The following HBS1L variants were observed in gnomAD, a reference collection of about 807,000 sequenced individuals.
The protein encoded by HBS1L is HBS1 like translational GTPase.
HBS1L carries 55 observed loss-of-function variants against 88.9 expected under a neutral mutation model. The ratio of observed to expected loss-of-function variants is 0.62; its 90% confidence interval spans 0.50 to 0.77. The LOEUF (loss-of-function observed/expected upper bound fraction) is 0.77, where lower values mean the gene tolerates loss of function less well. Among genes scored for constraint, HBS1L ranks in the 30% least tolerant of loss-of-function variants. HBS1L has a pLI of 0.00. For missense variants in HBS1L, 741 were observed against 829.3 expected (o/e 0.89, Z 1.31); for synonymous variants, 267 against 288.5 (o/e 0.93, Z 0.76).
At chr6:134,968,258 C>A (rs55892149) in intron 16 of HBS1L, among the ~76,000 whole-genome samples, 1 of 141,340 alleles carries the variant, frequency 7.1e-6, no homozygotes, top group African/African-American at 2.6e-5. Flanking sequence ...TTTTTTTTTT[C>A]TTTTTTTTGA....
At chr6:134,966,732 G>A (rs965874879) in intron 16 of HBS1L, among the ~76,000 whole-genome samples, 11 of 151,282 alleles carry the variant, frequency 7.3e-5, no homozygotes, top group South Asian at 2.1e-4. Context: ...TATCCCTTAC[G>A]GGACCACTAT....
Position 134,987,506 on chromosome 6 carries a change from G to A in HBS1L, c.1230+139C>T, listed in dbSNP as rs1287289474. 1.1e-5 allele frequency: 6 copies of A among 530,646 alleles called. No individual in the cohort carries two copies. In the Middle Eastern group the frequency reaches 1.5e-3, roughly 130 times the overall value. 32.9% of individuals were successfully genotyped at this position (530,646 alleles called of 1,614,324 possible). On this transcript the variant is annotated intron_variant, in intron 9 of 17. Coordinates refer to ENST00000367837, the MANE Select transcript of HBS1L (RefSeq NM_006620.4). Reference sequence around the variant, plus strand: ...AATTACTAACACCTCATTTATTTAAGATGAGAACAGAGAATTTATTTTTAA... The same window carrying A: ...AATTACTAACACCTCATTTATTTAAAATGAGAACAGAGAATTTATTTTTAA...
chr6:135,027,281 T>C (rs1323514715), intron 4 of HBS1L: 1 of 151,002 alleles, frequency 6.6e-6, no homozygotes, highest in Non-Finnish European at 1.5e-5. Flanking sequence ...ACAGTATTGT[T>C]GACAAATGCC....
At chr6:134,990,491 T>C (rs906982449) in intron 8 of HBS1L, among the ~76,000 whole-genome samples, 8 of 152,210 alleles carry the variant, frequency 5.3e-5, no homozygotes, top group Non-Finnish European at 1.0e-4. Flanking sequence ...TTTGAGTCTC[T>C]TTATCTCTTT....
chr6:135,009,574 A>T (rs1028086790), intron 4 of HBS1L, among the ~76,000 whole-genome samples: 4 of 152,168 alleles, frequency 2.6e-5, no homozygotes, highest in Non-Finnish European at 5.9e-5. Context: ...TCTTTTGCAG[A>T]TTATGTTCAT....
chr6:135,040,845 G>A (rs986208423), intron 3 of HBS1L, among the ~76,000 whole-genome samples: 2 of 152,120 alleles, frequency 1.3e-5, no homozygotes, highest in Non-Finnish European at 2.9e-5. Context: ...AGGGGCCAAT[G>A]AATAAAAATG....
At chr6:135,035,789 A>AAAAAAAAAAAAAAAAAAAGC (rs1776526289) in intron 4 of HBS1L, 1 of 114,494 alleles carries the variant, frequency 8.7e-6, no homozygotes, top group African/African-American at 3.6e-5. Flanking sequence ...AAAAAAAAAA[A>AAAAAAAAAAAAAAAAAAAGC]AGCAGCAGCA....
intron 4 of HBS1L, among the ~76,000 whole-genome samples, chr6:135,038,444 C>T (rs938534492): frequency 1.3e-5 from 2 of 152,134 alleles, no homozygotes; most frequent in South Asian, 2.1e-4. Context: ...AAACAACCCC[C>T]GGTAATTTCT....
At chr6:135,004,240 G>A (rs1159902462) in intron 4 of HBS1L, among the ~76,000 whole-genome samples, 4 of 146,994 alleles carry the variant, frequency 2.7e-5, no homozygotes, top group Non-Finnish European at 6.0e-5. Flanking sequence ...ACATCCTAGC[G>A]GGGAAAACAT....
chr6:134,983,182 GA>G (rs1774881705), intron 12 of HBS1L: 1 of 152,130 alleles, frequency 6.6e-6, no homozygotes, highest in African/African-American at 2.4e-5. Context: ...GGACCATATA[GA>G]ATAATGAAGA....
At chr6:135,007,823 G>A (rs1775655653) in intron 4 of HBS1L, among the ~76,000 whole-genome samples, 1 of 152,080 alleles carries the variant, frequency 6.6e-6, no homozygotes, top group Admixed American at 6.5e-5. Flanking sequence ...CCAAGAAATT[G>A]AACACTAAAT....
In HBS1L at chr6:135,004,840, A is replaced by T. The variant is rs1369896408; in HGVS notation, c.431-1998T>A. ...GGAGAGGTCTGAGCTGCATCAGCAC[A>T]TAATTGGTAATTGAAGACATAGATA... On this transcript the variant is annotated intron_variant, in intron 4 of 17. Coordinates refer to ENST00000367837, the MANE Select transcript of HBS1L (RefSeq NM_006620.4). 2.6e-5 allele frequency among the ~76,000 whole-genome samples: 4 copies of T among 152,366 alleles called. No individual in the cohort carries two copies. The East Asian group carries it at 7.7e-4, about 29-fold the overall frequency.
chr6:134,985,320 C>T lies in HBS1L; in HGVS notation c.1492+21G>A, dbSNP rs139764458. ...GGGAAAAGGGGCTATACTGAAGAAG[C>T]ACTACAAAGGTAGCACTTACCTTTG... is the stretch of plus-strand genomic sequence containing the variant. On this transcript the variant is annotated intron_variant, in intron 12 of 17. Coordinates refer to ENST00000367837, the MANE Select transcript of HBS1L (RefSeq NM_006620.4). The T allele has an allele frequency of 2.4e-4, 362 of 1,522,956 alleles. 2 individuals are homozygous for T. In the African/African-American group the frequency reaches 4.2e-3, roughly 17 times the overall value. 94.3% of individuals were successfully genotyped at this position (1,522,956 alleles called of 1,614,324 possible).
chr6:135,009,333 A>G (rs1333836068), intron 4 of HBS1L, among the ~76,000 whole-genome samples: 1 of 152,222 alleles, frequency 6.6e-6, no homozygotes, highest in East Asian at 1.9e-4. Context: ...GCTGAGCTGT[A>G]GAGGCAATAA....
intron 9 of HBS1L, 39 bp from the exon 10 acceptor site, chr6:134,986,849 G>T (rs780196984): frequency 1.0e-6 from 1 of 996,116 alleles, no homozygotes; most frequent in East Asian, 2.7e-5. Flanking sequence ...CTATCCTTCA[G>T]AACATGATAC....
chr6:134,986,777 T>C lies in HBS1L; in HGVS notation c.1264A>G (p.Thr422Ala). The change falls in exon 10 of 18, where the codon ACT (threonine) becomes GCT (alanine). Residue 422 changes from threonine to alanine, a missense_variant. By Grantham distance (58) the Thr-to-Ala change is moderately conservative. Transcript: ENST00000367837. ...TTAAGAAAGTGCCCAAGTTTTCCAG[T>C]AATCTCTTGAAACCTTTCTTGTTGC... ...NWQQERFQEI[T>A]GKLGHFLKQA... is the part of the protein sequence containing the mutation. 7 of 1,573,896 alleles carry C rather than the reference T, an allele frequency of 4.4e-6. No individual in the cohort carries two copies. The highest frequency in any genetic ancestry group is 5.2e-6 in the Non-Finnish European group (6 of 1,159,472).
chr6:135,034,331 A>G (rs1266938982), intron 4 of HBS1L, among the ~76,000 whole-genome samples: 1 of 152,234 alleles, frequency 6.6e-6, no homozygotes, highest in African/African-American at 2.4e-5. Context: ...GGAAAAGACC[A>G]GCCTTTTCAT....
chr6:135,042,227 C>A, intron 2 of HBS1L, 101 bp from the exon 3 acceptor site: 1 of 1,008,874 alleles, frequency 9.9e-7, no homozygotes, highest in Non-Finnish European at 1.4e-6. Context: ...AATCAATCAC[C>A]TATAGTTACC....
intron 12 of HBS1L, 146 bp downstream of exon 12, chr6:134,985,195 A>T: frequency 2.1e-6 from 1 of 487,348 alleles, no homozygotes; most frequent in Non-Finnish European, 3.7e-6. Context: ...GCATTTTAAG[A>T]TTAATCTGAC....
Sources: gnomAD v4.1 joint callset for allele counts (sites outside exome capture counted in the v4.1 genomes callset) on GRCh38, gnomAD v4.1.1 for gene constraint, MANE v1.5 for transcripts, NCBI Gene and HGNC (gene_info 2026-07-23, HGNC 2026-07-21) for gene names.